The following ADGRL2 variants were observed in gnomAD, a reference collection of about 807,000 sequenced individuals.
The protein encoded by ADGRL2 is calcium-independent alpha-latrotoxin receptor 2.
ADGRL2 carries 44 observed loss-of-function variants against 157.4 expected under a neutral mutation model. That is an observed-to-expected ratio of 0.28 (90% CI 0.22 to 0.36). The LOEUF is 0.36. ADGRL2 is among the 10% of genes least tolerant of loss of function. ADGRL2 has a pLI of 1.00. For missense variants in ADGRL2, 1,510 were observed against 1,768.9 expected (o/e 0.85, Z 2.63); for synonymous variants, 585 against 624.7 (o/e 0.94, Z 0.95).
At chr1:81,856,371 A>G (rs2093202896) in intron 2 of ADGRL2, among the ~76,000 whole-genome samples, 1 of 152,158 alleles carries the variant, frequency 6.6e-6, no homozygotes, top group Admixed American at 6.6e-5. Context: ...ATTCTTGAGA[A>G]CAAGAGAAAC....
At chr1:81,685,828 A>C (rs1339392519) in intron 3 of ADGRL2, among the ~76,000 whole-genome samples, 3 of 152,138 alleles carry the variant, frequency 2.0e-5, no homozygotes. Context: ...GATTTTGCTG[A>C]GAGTTTTAAT....
intron 3 of ADGRL2, among the ~76,000 whole-genome samples, chr1:81,678,585 T>C (rs1302386614): frequency 6.6e-6 from 1 of 152,208 alleles, no homozygotes; most frequent in Non-Finnish European, 1.5e-5. Context: ...ACATTTCAGA[T>C]TGTCCATTCT....
chr1:81,956,711 T>C (rs1220340077), intron 11 of ADGRL2, among the ~76,000 whole-genome samples: 1 of 152,242 alleles, frequency 6.6e-6, no homozygotes, highest in African/African-American at 2.4e-5. Context: ...TTAGAATTGT[T>C]AATTATTCAG....
intron 1 of ADGRL2, among the ~76,000 whole-genome samples, chr1:81,711,922 A>G (rs1224502237): frequency 6.6e-6 from 1 of 152,166 alleles, no homozygotes; most frequent in Non-Finnish European, 1.5e-5. Flanking sequence ...GTGGTTTGTA[A>G]TAAGTACAAT....
intron 3 of ADGRL2, among the ~76,000 whole-genome samples, chr1:81,908,075 T>C (rs2094624092): frequency 6.6e-6 from 1 of 152,228 alleles, no homozygotes; most frequent in Non-Finnish European, 1.5e-5. Flanking sequence ...CTTAACATTG[T>C]ATTATAATTG....
At chr1:81,354,120 G>A (rs1313561244) in intron 1 of ADGRL2, among the ~76,000 whole-genome samples, 1 of 152,134 alleles carries the variant, frequency 6.6e-6, no homozygotes, top group Non-Finnish European at 1.5e-5. Context: ...CAGACTTGGA[G>A]TCTAATTTAA....
At chr1:81,632,415 A>G (rs986096034) in intron 3 of ADGRL2, among the ~76,000 whole-genome samples, 2 of 152,150 alleles carry the variant, frequency 1.3e-5, no homozygotes, top group African/African-American at 4.8e-5. Flanking sequence ...AAACAGAGGG[A>G]AGAAGGGCAA....
At chr1:81,544,459 A>T (rs918726235) in intron 2 of ADGRL2, among the ~76,000 whole-genome samples, 4 of 152,050 alleles carry the variant, frequency 2.6e-5, no homozygotes, top group African/African-American at 7.2e-5. Flanking sequence ...AAATCAGGGG[A>T]TACTTGGATT....
intron 2 of ADGRL2, among the ~76,000 whole-genome samples, chr1:81,445,262 A>G (rs1347715867): frequency 6.6e-6 from 1 of 152,224 alleles, no homozygotes; most frequent in Non-Finnish European, 1.5e-5. Context: ...TGAGGGAAGA[A>G]GAAACTACAT....
rs754847382 is a variant in ADGRL2, at chr1:81,990,429, G to A, written c.3694G>A (p.Asp1232Asn). 1.2e-6 allele frequency: 2 copies of A among 1,613,898 alleles called. No homozygotes were observed. Among genetic ancestry groups the A allele is most frequent in the East Asian group, 4.5e-5 (2 of 44,886 alleles). The change falls in exon 24 of 24, where the codon GAT becomes AAT. Residue 1232 changes from aspartate to asparagine, a missense_variant. By Grantham distance (23) the Asp-to-Asn change is conservative (BLOSUM62 1). Around this residue, in one of 4 missense-constraint regions of ADGRL2, gnomAD observed 327 missense variants for 310.1 expected, o/e 1.05. Transcript: ENST00000686636. ...LNNARDTSAM[D>N]TLPLNGNFNN... ...CAATGCCAGGGATACAAGTGCCATG[G>A]ATACTCTACCGCTAAATGGTAATTT...
chr1:81,518,046 T>C (rs1475897881), intron 2 of ADGRL2, among the ~76,000 whole-genome samples: 1 of 152,238 alleles, frequency 6.6e-6, no homozygotes, highest in East Asian at 1.9e-4. Flanking sequence ...TTGATTAAAT[T>C]CCCTTAAAGA....
intron 2 of ADGRL2, among the ~76,000 whole-genome samples, chr1:81,894,086 C>T (rs1571963429): frequency 6.6e-6 from 1 of 152,254 alleles, no homozygotes; most frequent in East Asian, 1.9e-4. Context: ...TCAGGAAGAG[C>T]TTTTACAACT....
chr1:81,509,276 G>C (rs576613284), intron 2 of ADGRL2, among the ~76,000 whole-genome samples: 4 of 151,994 alleles, frequency 2.6e-5, no homozygotes, highest in Non-Finnish European at 5.9e-5. Context: ...GCTTCTCCTG[G>C]AGACAATGTA....
chr1:81,958,568 A>T (rs1654339194), intron 11 of ADGRL2, among the ~76,000 whole-genome samples: 1 of 152,236 alleles, frequency 6.6e-6, no homozygotes. Context: ...CCTTAATAAT[A>T]CATGACTCCA....
At chr1:81,812,738 A>G (rs1270770933) in intron 1 of ADGRL2, among the ~76,000 whole-genome samples, 1 of 151,828 alleles carries the variant, frequency 6.6e-6, no homozygotes, top group African/African-American at 2.4e-5. Context: ...TGAGTTGCAT[A>G]TGTGCTTTTC....
intron 2 of ADGRL2, among the ~76,000 whole-genome samples, chr1:81,791,653 G>A (rs531687814): frequency 3.3e-5 from 5 of 151,744 alleles, no homozygotes; most frequent in African/African-American, 1.2e-4. Flanking sequence ...AGATGAGCAG[G>A]TTAAAAAAAA....
At chr1:81,871,255 G>A (rs1207641344) in intron 2 of ADGRL2, among the ~76,000 whole-genome samples, 1 of 151,950 alleles carries the variant, frequency 6.6e-6, no homozygotes, top group African/African-American at 2.4e-5. Context: ...CCCTACAAAG[G>A]ACATGAACTC....
chr1:81,649,436 T>C (rs1038295299), intron 3 of ADGRL2, among the ~76,000 whole-genome samples: 1 of 152,190 alleles, frequency 6.6e-6, no homozygotes, highest in Admixed American at 6.5e-5. Context: ...TCTTTTAATG[T>C]GGAAAAGTTA....
intron 3 of ADGRL2, chr1:81,586,242 A>G (rs1419626287): frequency 6.6e-6 from 1 of 152,078 alleles, no homozygotes; most frequent in East Asian, 1.9e-4. Context: ...AAGAAGTAAA[A>G]CATATCTGTA....
Sources: gnomAD v4.1 joint callset for allele counts (sites outside exome capture counted in the v4.1 genomes callset) on GRCh38, gnomAD v4.1.1 for gene constraint, gnomAD v4.1.1 regional missense constraint, MANE v1.5 for transcripts, NCBI Gene and HGNC (gene_info 2026-07-23, HGNC 2026-07-21) for gene names.